ARHGEF38: variants seen among roughly 807,000 people sequenced by gnomAD.
ARHGEF38 encodes Rho guanine nucleotide exchange factor 38.
A neutral mutation model predicts 79.9 loss-of-function variants in ARHGEF38; 79 were observed. The ratio of observed to expected loss-of-function variants is 0.99; its 90% CI spans 0.82 to 1.19. ARHGEF38 has a LOEUF of 1.19. ARHGEF38 is among the 50% of genes most tolerant of loss of function. The pLI, the probability that ARHGEF38 is intolerant of heterozygous loss-of-function variation, is 0.00. For synonymous variants in ARHGEF38, 366 were observed against 328.3 expected, an observed-to-expected ratio of 1.11 and a Z score of -1.24; for missense variants, 962 against 907.2, an observed-to-expected ratio of 1.06 and a Z score of -0.78.
intron 2 of ARHGEF38, among the ~76,000 whole-genome samples, chr4:105,590,089 A>C: frequency 8.4e-6 from 1 of 119,742 alleles, no homozygotes; most frequent in African/African-American, 3.2e-5. Flanking sequence ...GAAGGAAGGA[A>C]GGAAGGAAGG....
rs190607411 is a variant in ARHGEF38, at chr4:105,643,437, A to T, written c.675-1751A>T. Among the ~76,000 whole-genome samples the T allele has an allele frequency of 3.9e-3, 586 of 152,166 alleles. 4 individuals are homozygous for T. Among genetic ancestry groups the T allele is most frequent in the Middle Eastern group, 6.8e-3 (2 of 292 alleles). ...TAATACTTATTCTGGTTTTCTTTTT[A>T]AAAAAATGTTGCCTTTGGGTTTGCT... On this transcript the variant is annotated intron_variant, in intron 5 of 13. Transcript: ENST00000420470.
intron 1 of ARHGEF38, among the ~76,000 whole-genome samples, chr4:105,563,733 T>A (rs1299673616): frequency 2.6e-5 from 4 of 152,182 alleles, no homozygotes; most frequent in African/African-American, 7.2e-5. Flanking sequence ...TAATAAACTT[T>A]TGAACAATAC....
intron 2 of ARHGEF38, among the ~76,000 whole-genome samples, chr4:105,601,999 C>T (rs1727842294): frequency 6.6e-6 from 1 of 152,076 alleles, no homozygotes; most frequent in South Asian, 2.1e-4. Context: ...TAATACAGTG[C>T]TTTATACATG....
At chr4:105,634,317 A>C (rs1729315229) in intron 4 of ARHGEF38, among the ~76,000 whole-genome samples, 1 of 152,190 alleles carries the variant, frequency 6.6e-6, no homozygotes, top group Non-Finnish European at 1.5e-5. Context: ...TTCAAAAAGA[A>C]AAGATTCTAA....
chr4:105,577,486 G>A (rs1342987397), intron 1 of ARHGEF38, among the ~76,000 whole-genome samples: 1 of 151,830 alleles, frequency 6.6e-6, no homozygotes, highest in Non-Finnish European at 1.5e-5. Context: ...GTTTCAGTAG[G>A]ATTGATGCCA....
At chr4:105,589,081 C>T (rs1727193675) in intron 1 of ARHGEF38, among the ~76,000 whole-genome samples, 167 bp from the exon 2 acceptor site, 1 of 152,166 alleles carries the variant, frequency 6.6e-6, no homozygotes, top group Non-Finnish European at 1.5e-5. Flanking sequence ...TTTCTTCTTG[C>T]TTATAGTTTT....
chr4:105,610,826 C>A (rs1728262802), intron 2 of ARHGEF38, among the ~76,000 whole-genome samples: 1 of 151,922 alleles, frequency 6.6e-6, no homozygotes, highest in Non-Finnish European at 1.5e-5. Context: ...TAGATCCTTG[C>A]CAAATGGATT....
At chr4:105,576,063 C>T (rs1199467586) in intron 1 of ARHGEF38, among the ~76,000 whole-genome samples, 1 of 152,062 alleles carries the variant, frequency 6.6e-6, no homozygotes, top group Non-Finnish European at 1.5e-5. Flanking sequence ...TGTAGTATAA[C>T]TTAAAGTCCA....
intron 2 of ARHGEF38, among the ~76,000 whole-genome samples, chr4:105,609,292 T>G (rs76701373): frequency 0.018 from 2,664 of 152,162 alleles, 65 homozygotes; most frequent in African/African-American, 0.052. Flanking sequence ...TTGCTGAAAA[T>G]CAATCAACTG....
At chr4:105,638,128 GC>G (rs1560738555) in intron 5 of ARHGEF38, among the ~76,000 whole-genome samples, 4 of 152,172 alleles carry the variant, frequency 2.6e-5, no homozygotes, top group African/African-American at 4.8e-5. Flanking sequence ...CAATGTTGCA[GC>G]CAAAAGGGCA....
chr4:105,560,773 C>T (rs968255580), intron 1 of ARHGEF38, among the ~76,000 whole-genome samples: 3 of 152,174 alleles, frequency 2.0e-5, no homozygotes, highest in Non-Finnish European at 4.4e-5. Context: ...CATCTAGCTA[C>T]TACTCTAAGT....
At chr4:105,681,634 C>A (rs1302447056), downstream of ARHGEF38, among the ~76,000 whole-genome samples, 1 of 152,186 alleles carries the variant, frequency 6.6e-6, no homozygotes, top group East Asian at 1.9e-4. Flanking sequence ...AGACCTTCCA[C>A]ATTTTCTGAC....
rs545175300 is a variant in ARHGEF38 at position 105,612,022 on chromosome 4, A to G, written c.385-1362A>G. ...ATAAAAAATAACTGACATAGTCACC[A>G]CATTTTGAAAAGGTGCCATGTGAAG... On this transcript the variant is annotated intron_variant, in intron 2 of 13. Coordinates refer to ENST00000420470, the MANE Select transcript of ARHGEF38 (RefSeq NM_001242729.2). 2.0e-5 allele frequency among the ~76,000 whole-genome samples: 3 copies of G among 152,264 alleles called. No homozygotes were observed. In the South Asian group the frequency reaches 6.2e-4, roughly 32 times the overall value.
intron 10 of ARHGEF38, among the ~76,000 whole-genome samples, chr4:105,662,432 A>G (rs554819422): frequency 2.0e-5 from 3 of 152,002 alleles, no homozygotes; most frequent in Non-Finnish European, 2.9e-5. Context: ...TATTAATTTC[A>G]TTTTATGACT....
chr4:105,607,815 C>G (rs1460897537), intron 2 of ARHGEF38, among the ~76,000 whole-genome samples: 1 of 151,308 alleles, frequency 6.6e-6, no homozygotes, highest in Admixed American at 6.6e-5. Context: ...ATAAGGATTT[C>G]TTGTTTAGGC....
intron 2 of ARHGEF38, among the ~76,000 whole-genome samples, chr4:105,593,210 C>A (rs1437337607): frequency 6.6e-6 from 1 of 152,052 alleles, no homozygotes; most frequent in Non-Finnish European, 1.5e-5. Flanking sequence ...AAAAATCTGT[C>A]CCTGCGATTG....
At chr4:105,648,336 C>A (rs889142355) in intron 6 of ARHGEF38, among the ~76,000 whole-genome samples, 2 of 151,924 alleles carry the variant, frequency 1.3e-5, no homozygotes, top group African/African-American at 4.8e-5. Flanking sequence ...CCTTGAGGGG[C>A]TTTTGTCCTT....
At chr4:105,573,334 T>A (rs1726328882) in intron 1 of ARHGEF38, among the ~76,000 whole-genome samples, 1 of 152,136 alleles carries the variant, frequency 6.6e-6, no homozygotes, top group Non-Finnish European at 1.5e-5. Context: ...ATCATGAAAT[T>A]TTTGCCCTAT....
chr4:105,598,007 T>A (rs1727658288), intron 2 of ARHGEF38, among the ~76,000 whole-genome samples: 1 of 152,072 alleles, frequency 6.6e-6, no homozygotes, highest in Non-Finnish European at 1.5e-5. Context: ...TCCCAAACTT[T>A]CCAATTTTTT....
Sources: allele counts gnomAD v4.1 joint callset (sites outside exome capture counted in the v4.1 genomes callset), GRCh38; gene constraint gnomAD v4.1.1; transcripts MANE v1.5; gene names NCBI Gene and HGNC (gene_info 2026-07-23, HGNC 2026-07-21).